The following COL5A2 variants were observed in gnomAD, a reference collection of about 807,000 sequenced individuals.
COL5A2 encodes collagen type V alpha 2 chain, also known as collagen alpha-2(V) chain.
A neutral mutation model predicts 208.2 loss-of-function variants in COL5A2; 23 were observed. The ratio of observed to expected loss-of-function variants is 0.11; its 90% CI spans 0.08 to 0.16. The LOEUF is 0.16. COL5A2 is among the 10% of genes least tolerant of loss of function. The pLI is 1.00. For missense variants in COL5A2, 1,590 were observed against 1,956.4 expected, an observed-to-expected ratio of 0.81 and a Z score of 3.53; for synonymous variants, 625 against 628.5, an observed-to-expected ratio of 0.99 and a Z score of 0.08.
intron 1 of COL5A2, among the ~76,000 whole-genome samples, chr2:189,192,456 G>T (rs1462642628): frequency 6.6e-6 from 1 of 152,084 alleles, no homozygotes; most frequent in Non-Finnish European, 1.5e-5. Flanking sequence ...GGTCCTTCGA[G>T]CCCAATTCCT....
chr2:189,066,438 G>A lies in COL5A2; in HGVS notation c.1515C>T (p.Pro505=), dbSNP rs552362833. Residue 505 remains proline, a synonymous_variant, in exon 23 of 54, where the codon CCC becomes CCT. Transcript: ENST00000374866. ...GPPGEEGKRG[P]RGDPGTVGPP... ...GACCAACTGTTCCTGGGTCACCTCT[G>A]GGACCTCTTTTGCCTTCTTCACCGG... The A allele has an allele frequency of 3.7e-6, 6 of 1,614,112 alleles. No homozygotes were observed. The South Asian group carries it at 5.5e-5, about 15-fold the overall frequency.
the COL5A2 span, among the ~76,000 whole-genome samples, chr2:189,245,925 A>C: frequency 6.6e-6 from 1 of 152,174 alleles, no homozygotes; most frequent in Non-Finnish European, 1.5e-5. Context: ...TATGATGTTG[A>C]ACTATTTCAC....
At chr2:189,384,257 T>C in the COL5A2 span, among the ~76,000 whole-genome samples, 1 of 152,158 alleles carries the variant, frequency 6.6e-6, no homozygotes, top group Non-Finnish European at 1.5e-5. Context: ...TTCCTTTCTT[T>C]TGGATGTATA....
the COL5A2 span, among the ~76,000 whole-genome samples, chr2:189,239,396 A>T: frequency 6.6e-6 from 1 of 152,072 alleles, no homozygotes; most frequent in South Asian, 2.1e-4. Context: ...TGCCCAGTGT[A>T]ATTCCAAAAG....
At chr2:189,120,273 T>A (rs1284068843) in intron 1 of COL5A2, among the ~76,000 whole-genome samples, 2 of 152,150 alleles carry the variant, frequency 1.3e-5, no homozygotes, top group East Asian at 3.9e-4. Flanking sequence ...ATTTCACTAG[T>A]GCATTCTGGA....
chr2:189,148,116 G>C (rs1178253626), intron 1 of COL5A2, among the ~76,000 whole-genome samples: 3 of 152,028 alleles, frequency 2.0e-5, no homozygotes, highest in Non-Finnish European at 4.4e-5. Context: ...CTATTCACTG[G>C]GGGGAGGGAA....
intron 31 of COL5A2, among the ~76,000 whole-genome samples, chr2:189,060,248 A>G (rs1411031499): frequency 6.6e-6 from 1 of 152,176 alleles, no homozygotes; most frequent in East Asian, 1.9e-4. Flanking sequence ...ATACTCTCTG[A>G]ATCCTACTAT....
intron 3 of COL5A2, 113 bp from the exon 4 acceptor site, chr2:189,100,252 A>T: frequency 1.3e-6 from 1 of 797,050 alleles, no homozygotes; most frequent in Non-Finnish European, 2.1e-6. Context: ...TCTATGTAAG[A>T]AATGCAAAAA....
chr2:189,243,418 C>T, the COL5A2 span, among the ~76,000 whole-genome samples: 2 of 152,158 alleles, frequency 1.3e-5, no homozygotes, highest in African/African-American at 4.8e-5. Flanking sequence ...AGAGGTCTCA[C>T]AATCATGGCA....
At chr2:189,055,896 T>C (rs1685891230) in intron 35 of COL5A2, among the ~76,000 whole-genome samples, 1 of 152,222 alleles carries the variant, frequency 6.6e-6, no homozygotes, top group Admixed American at 6.5e-5. Flanking sequence ...CTGCACTACT[T>C]ATGCATTCCA....
the COL5A2 span, among the ~76,000 whole-genome samples, chr2:189,314,143 T>C: frequency 6.6e-6 from 1 of 152,180 alleles, no homozygotes; most frequent in African/African-American, 2.4e-5. Context: ...AAATATACAT[T>C]ATTCTCATTA....
the COL5A2 span, among the ~76,000 whole-genome samples, chr2:189,239,385 G>A: frequency 6.6e-6 from 1 of 152,040 alleles, no homozygotes; most frequent in Non-Finnish European, 1.5e-5. Context: ...TTCTCCAAGT[G>A]TGCCCAGTGT....
the COL5A2 span, among the ~76,000 whole-genome samples, chr2:189,246,257 G>A: frequency 6.6e-6 from 1 of 151,790 alleles, no homozygotes; most frequent in East Asian, 1.9e-4. Context: ...AGTTCTAGTT[G>A]GATATCTTTG....
the COL5A2 span, among the ~76,000 whole-genome samples, chr2:189,320,925 G>T: frequency 6.6e-6 from 1 of 152,168 alleles, no homozygotes. Context: ...AGAAAGGTCG[G>T]GTTACCCACA....
chr2:189,272,222 T>C, the COL5A2 span, among the ~76,000 whole-genome samples: 1 of 152,204 alleles, frequency 6.6e-6, no homozygotes, highest in African/African-American at 2.4e-5. Flanking sequence ...GTATGTTTAT[T>C]GCAGCACTGT....
chr2:189,375,184 T>C, the COL5A2 span, among the ~76,000 whole-genome samples: 1 of 151,848 alleles, frequency 6.6e-6, no homozygotes, highest in Non-Finnish European at 1.5e-5. Flanking sequence ...GCCTGGCTAA[T>C]TTTTTTGTAT....
rs111268949 is a variant in COL5A2 at position 189,045,340 on chromosome 2, A to ATG, written c.3310-110_3310-109dup. The ATG allele has an allele frequency of 9.0e-3, 5,178 of 578,094 alleles. 28 individuals are homozygous for ATG. The highest frequency in any genetic ancestry group is 0.032 in the African/African-American group (1,636 of 51,602). 35.8% of individuals were successfully genotyped at this position (578,094 alleles called of 1,614,324 possible). ...TTTATAGTTGGATGCATATATATATATGTGTGTGTGTGTGTGTGTGTGTGC... is the reference window on the plus strand; with the variant it reads ...TTTATAGTTGGATGCATATATATATATGTGTGTGTGTGTGTGTGTGTGTGTGC... On this transcript the variant is annotated intron_variant, in intron 46 of 53. Transcript: ENST00000374866.
At position 189,084,044 on chromosome 2, in the gene COL5A2, G is replaced by T. The variant is rs879227018; in HGVS notation, c.799-7C>A. On this transcript the variant is annotated splice_polypyrimidine_tract_variant and splice_region_variant and intron_variant, in intron 11 of 53. Transcript: ENST00000374866. Reference sequence around the variant, plus strand: ...CATTTCTGCCAGGTTCACCCTTTATGGAAAAAAATGTAGGAGATTGGGAAG... The same window carrying T: ...CATTTCTGCCAGGTTCACCCTTTATTGAAAAAAATGTAGGAGATTGGGAAG... The T allele has an allele frequency of 6.8e-6, 11 of 1,609,930 alleles. No individual in the cohort carries two copies. Among genetic ancestry groups the T allele is most frequent in the Non-Finnish European group, 9.3e-6 (11 of 1,176,620 alleles).
the COL5A2 span, among the ~76,000 whole-genome samples, chr2:189,359,988 G>T: frequency 6.6e-6 from 1 of 151,748 alleles, no homozygotes; most frequent in Non-Finnish European, 1.5e-5. Flanking sequence ...TGTCAATTTT[G>T]TTTATCTTTT....
Sources: allele counts gnomAD v4.1 joint callset (sites outside exome capture counted in the v4.1 genomes callset), GRCh38; gene constraint gnomAD v4.1.1; transcripts MANE v1.5; gene names NCBI Gene and HGNC (gene_info 2026-07-23, HGNC 2026-07-21).